Variants in L3MBTL4 observed in about 807,000 individuals in gnomAD.
L3MBTL4 encodes L3MBTL histone methyl-lysine binding protein 4.
In L3MBTL4, 70 loss-of-function variants were observed where a neutral mutation model predicts 84.5. The ratio of observed to expected loss-of-function variants is 0.83; its 90% CI spans 0.68 to 1.01. The LOEUF (loss-of-function observed/expected upper bound fraction) is 1.01, where lower values mean the gene tolerates loss of function less well. Among genes scored for constraint, L3MBTL4 ranks in the 50% least tolerant of loss-of-function variants. L3MBTL4 has a pLI of 0.00. For missense variants in L3MBTL4, 715 were observed against 754.8 expected (o/e 0.95, Z 0.62); for synonymous variants, 274 against 259.8 (o/e 1.05, Z -0.52).
chr18:6,246,903 A>G (rs905303699), intron 5 of L3MBTL4, among the ~76,000 whole-genome samples: 1 of 144,982 alleles, frequency 6.9e-6, no homozygotes, highest in East Asian at 2.0e-4. Context: ...AACTCCAACT[A>G]AAAAAAAAAA....
chr18:6,400,904 C>T (rs237213), intron 1 of L3MBTL4, among the ~76,000 whole-genome samples: 10 of 151,936 alleles, frequency 6.6e-5, no homozygotes, highest in Non-Finnish European at 7.4e-5. Flanking sequence ...CAGCAACTGA[C>T]GCAAAACCTA....
intron 16 of L3MBTL4, among the ~76,000 whole-genome samples, chr18:6,040,531 A>G (rs545078749): frequency 6.6e-6 from 1 of 152,354 alleles, no homozygotes; most frequent in South Asian, 2.1e-4. Context: ...ATTACTGAGT[A>G]CCTGCCGTGG....
In L3MBTL4 at chr18:6,339,754, G is replaced by A. The variant is rs190940252; in HGVS notation, c.-90-27698C>T. Among the ~76,000 whole-genome samples the A allele has an allele frequency of 3.8e-3, 582 of 151,942 alleles. 6 individuals carry two copies. Among genetic ancestry groups the A allele is most frequent in the African/African-American group, 0.013 (536 of 41,446 alleles). ...GACAATATCAGGCAGGGAAAGGAAGGATATGATTACAGATCATACATATAT... is the reference window on the plus strand; with the variant it reads ...GACAATATCAGGCAGGGAAAGGAAGAATATGATTACAGATCATACATATAT... On this transcript the variant is annotated intron_variant, in intron 1 of 18. Transcript: ENST00000317931.
At chr18:6,038,308 C>T (rs1312697459) in intron 16 of L3MBTL4, among the ~76,000 whole-genome samples, 1 of 132,928 alleles carries the variant, frequency 7.5e-6, no homozygotes, top group African/African-American at 2.9e-5. Context: ...AGCTGGAGTG[C>T]AGTGATGCAA....
intron 16 of L3MBTL4, among the ~76,000 whole-genome samples, chr18:5,994,234 G>A (rs940728399): frequency 6.8e-4 from 103 of 152,304 alleles, no homozygotes; most frequent in African/African-American, 2.4e-3. Flanking sequence ...TACCGGCCAG[G>A]CATCTGCTTT....
At chr18:6,136,224 G>A (rs1377571519) in intron 14 of L3MBTL4, among the ~76,000 whole-genome samples, 2 of 152,168 alleles carry the variant, frequency 1.3e-5, no homozygotes, top group Non-Finnish European at 2.9e-5. Flanking sequence ...AGATTTGAGT[G>A]AGGATACAGC....
chr18:6,031,273 G>C (rs2055787142), intron 16 of L3MBTL4: 1 of 985,354 alleles, frequency 1.0e-6, no homozygotes, highest in Non-Finnish European at 1.2e-6. Flanking sequence ...AAGCACAGCA[G>C]AATGGTGAAC....
chr18:6,129,366 CTCTGTGTG>C (rs1465861597), intron 14 of L3MBTL4, among the ~76,000 whole-genome samples: 12 of 139,186 alleles, frequency 8.6e-5, no homozygotes, highest in Middle Eastern at 3.7e-3. Context: ...CTGGAATTCT[CTCTGTGTG>C]TGTGTGTGTG....
chr18:6,221,639 G>A (rs2046558465), intron 10 of L3MBTL4, among the ~76,000 whole-genome samples: 1 of 152,194 alleles, frequency 6.6e-6, no homozygotes, highest in African/African-American at 2.4e-5. Context: ...GGTTTACTGA[G>A]TGCTCTAGGC....
intron 13 of L3MBTL4, among the ~76,000 whole-genome samples, chr18:6,160,606 C>G (rs73381976): frequency 0.051 from 7,787 of 151,952 alleles, 691 homozygotes; most frequent in African/African-American, 0.18. Flanking sequence ...GTGGCGGGGT[C>G]TGTAATCCCA....
chr18:6,114,999 A>G (rs536091552), intron 14 of L3MBTL4, among the ~76,000 whole-genome samples: 2 of 152,298 alleles, frequency 1.3e-5, no homozygotes, highest in South Asian at 4.1e-4. Context: ...TGATGTGTAC[A>G]TTGTATTATA....
rs184790196 is a variant in L3MBTL4, at chr18:5,956,225, C to A, written c.1840G>T (p.Gly614Ter). 5 of 1,612,478 alleles carry A rather than the reference C, an allele frequency of 3.1e-6. No individual in the cohort carries two copies. In the African/African-American group the frequency reaches 6.7e-5, roughly 22 times the overall value. Residue 614 changes from glycine (G) to a stop codon, truncating the protein, a stop_gained, in exon 19 of 19, where the codon GGA becomes TGA. Coordinates refer to ENST00000317931, the MANE Select transcript of L3MBTL4 (RefSeq NM_001330559.2). LOFTEE classifies it high-confidence loss of function. ...AGGAAGTTCAGGGAGCCCATTCATC[C>A]CCTGACTTCTTGGCCTGAGGCAATA... ...EDIASGQEVR[G>*]
rs145441416 is a variant in L3MBTL4, at chr18:6,010,505, G to A, written c.1445-40943C>T. Among the ~76,000 whole-genome samples, 6 of 152,272 alleles carry A rather than the reference G, an allele frequency of 3.9e-5. No individual in the cohort carries two copies. In the East Asian group the frequency reaches 7.7e-4, roughly 20 times the overall value. On this transcript the variant is annotated intron_variant, in intron 16 of 18. Transcript: ENST00000317931. ...CCCACCACCTGCATAAATGATCGCTGTAGTCAGCGCCACTTGCATGTGCGG... is the reference window on the plus strand; with the variant it reads ...CCCACCACCTGCATAAATGATCGCTATAGTCAGCGCCACTTGCATGTGCGG...
At chr18:6,400,806 G>A (rs1054428675) in intron 1 of L3MBTL4, among the ~76,000 whole-genome samples, 2 of 152,142 alleles carry the variant, frequency 1.3e-5, no homozygotes, top group Non-Finnish European at 2.9e-5. Context: ...CCAAAATCAA[G>A]CAACTGGGAA....
intron 12 of L3MBTL4, among the ~76,000 whole-genome samples, chr18:6,210,754 C>T (rs555513887): frequency 6.6e-6 from 1 of 152,308 alleles, no homozygotes; most frequent in East Asian, 1.9e-4. Context: ...AACATCTGTT[C>T]CTGTTAACAT....
At chr18:6,163,260 G>T (rs1247164113) in intron 13 of L3MBTL4, among the ~76,000 whole-genome samples, 10 of 70,986 alleles carry the variant, frequency 1.4e-4, no homozygotes, top group Non-Finnish European at 2.6e-4. Flanking sequence ...GTGTGTGTGT[G>T]GGGGGGGGGT....
At chr18:6,409,862 C>G (rs1179670930) in intron 1 of L3MBTL4, among the ~76,000 whole-genome samples, 1 of 152,158 alleles carries the variant, frequency 6.6e-6, no homozygotes, top group Non-Finnish European at 1.5e-5. Flanking sequence ...CCCCAGTCTT[C>G]CCCATCTCCA....
chr18:6,239,579 G>A, intron 9 of L3MBTL4, 139 bp downstream of exon 9: 2 of 744,490 alleles, frequency 2.7e-6, no homozygotes, highest in South Asian at 3.5e-5. Context: ...GGAAGAGAAG[G>A]TAATGAACAG....
At chr18:6,399,238 G>A (rs1199345456) in intron 1 of L3MBTL4, among the ~76,000 whole-genome samples, 1 of 152,152 alleles carries the variant, frequency 6.6e-6, no homozygotes, top group Non-Finnish European at 1.5e-5. Flanking sequence ...AGGCGTTCAA[G>A]ACCAGCCTGA....
Sources: allele counts gnomAD v4.1 joint callset (sites outside exome capture counted in the v4.1 genomes callset), GRCh38; gene constraint gnomAD v4.1.1; transcripts MANE v1.5; gene names NCBI Gene and HGNC (gene_info 2026-07-23, HGNC 2026-07-21).